ADGRE2: variants seen among roughly 807,000 people sequenced by gnomAD.
ADGRE2 encodes CD97 antigen.
ADGRE2 carries 83 observed loss-of-function variants against 100.8 expected under a neutral mutation model. The ratio of observed to expected loss-of-function variants is 0.82; its 90% CI spans 0.69 to 0.99. The LOEUF is 0.99. Among genes scored for constraint, ADGRE2 ranks in the 50% least tolerant of loss-of-function variants. The probability of loss-of-function intolerance (pLI) is 0.00; values close to 1 mark genes in which losing one functional copy is unlikely to be tolerated. For missense variants in ADGRE2, 814 were observed against 1,035.7 expected (o/e 0.79, Z 2.94); for synonymous variants, 355 against 413.0 (o/e 0.86, Z 1.70).
intron 11 of ADGRE2, among the ~76,000 whole-genome samples, chr19:14,761,346 C>T (rs2043716312): frequency 6.6e-6 from 1 of 152,128 alleles, no homozygotes; most frequent in Non-Finnish European, 1.5e-5. Context: ...GTGGAGTCTA[C>T]AGTGAGCCAG....
Position 14,765,684 on chromosome 19 carries a change from T to G in ADGRE2, c.755A>C (p.Asn252Thr), listed in dbSNP as rs1235834069. 6.2e-7 allele frequency: 1 copy of G among 1,611,568 alleles called. No homozygotes were observed. Among genetic ancestry groups the G allele is most frequent in the African/African-American group, 1.3e-5 (1 of 74,920 alleles). ...TTCACAGACAGTGTCCTTTTGGTTA[T>G]TCGGGATTCCGTGTCTGGGCTTCCA... Reference protein sequence around the residue: ...PGWKPRHGIPNNQKDTVCEDM... With the variant: ...PGWKPRHGIPTNQKDTVCEDM... Residue 252 changes from asparagine to threonine, a missense_variant, in exon 8 of 21, where the codon AAT (asparagine) becomes ACT (threonine). Around this residue, in one of 5 missense-constraint regions of ADGRE2, gnomAD observed 19 missense variants for 64.7 expected, o/e 0.29. Coordinates refer to ENST00000315576, the MANE Select transcript of ADGRE2 (RefSeq NM_013447.4).
chr19:14,742,886 G>T (rs1328445140), intron 20 of ADGRE2, among the ~76,000 whole-genome samples: 5 of 151,878 alleles, frequency 3.3e-5, no homozygotes. Context: ...GTGTGTGAGA[G>T]TCAAACTAAG....
chr19:14,741,970 A>G (rs1003293205), intron 20 of ADGRE2: 4 of 398,436 alleles, frequency 1.0e-5, no homozygotes, highest in South Asian at 1.3e-4. Flanking sequence ...ATCCCATGCC[A>G]TTGAGGCATA....
At chr19:14,770,154 G>T (rs1458534265) in intron 5 of ADGRE2, among the ~76,000 whole-genome samples, 1 of 152,012 alleles carries the variant, frequency 6.6e-6, no homozygotes, top group Non-Finnish European at 1.5e-5. Flanking sequence ...GAGGTGTTTG[G>T]GTCCTGAGTG....
chr19:14,726,095 G>A, the ADGRE2 span, among the ~76,000 whole-genome samples: 5 of 152,170 alleles, frequency 3.3e-5, no homozygotes, highest in Non-Finnish European at 4.4e-5. Flanking sequence ...TGCAATCTGA[G>A]CATCTGCAGG....
Position 14,733,589 on chromosome 19 carries a change from AC to A in ADGRE2, c.*2646del, listed in dbSNP as rs2042699389. 7.0e-6 allele frequency: 1 copy of A among 142,746 alleles called. No individual in the cohort carries two copies. Among genetic ancestry groups the A allele is most frequent in the Admixed American group, 6.9e-5 (1 of 14,494 alleles). The allele number at this position is 142,746 out of a possible 1,614,324, so 8.8% of individuals were successfully genotyped here. ...CCACTCTCCCTCCCATATAAGCACA[AC>A]AAAAAAAACACAGAAGCAGTCCAAG... On this transcript the variant is annotated 3_prime_UTR_variant, in exon 21 of 21. Transcript: ENST00000315576.
chr19:14,759,356 G>C (rs571711901), intron 11 of ADGRE2, among the ~76,000 whole-genome samples: 1 of 152,120 alleles, frequency 6.6e-6, no homozygotes, highest in South Asian at 2.1e-4. Context: ...TATTAAAAGG[G>C]AAACCTTACT....
intron 2 of ADGRE2, among the ~76,000 whole-genome samples, chr19:14,775,143 C>G (rs2044389448): frequency 6.7e-6 from 1 of 150,322 alleles, no homozygotes; most frequent in Non-Finnish European, 1.5e-5. Context: ...GCTGGGACTA[C>G]AGGCATGACC....
At chr19:14,769,329 C>G (rs994448479) in intron 5 of ADGRE2, among the ~76,000 whole-genome samples, 2 of 152,154 alleles carry the variant, frequency 1.3e-5, no homozygotes, top group Non-Finnish European at 1.5e-5. Flanking sequence ...GGTTCTGAAC[C>G]TTGAGGTTTG....
chr19:14,754,133 G>A (rs995747647), intron 14 of ADGRE2, among the ~76,000 whole-genome samples: 5 of 150,842 alleles, frequency 3.3e-5, no homozygotes, highest in Non-Finnish European at 7.4e-5. Context: ...TCTTTCTCCT[G>A]TGCTGGATGC....
chr19:14,776,817 C>G lies in ADGRE2; in HGVS notation c.-61G>C. On this transcript the variant is annotated 5_prime_UTR_variant, in exon 2 of 21. Coordinates refer to ENST00000315576, the MANE Select transcript of ADGRE2 (RefSeq NM_013447.4). ...AAAGAGTGAGTGGGACAGGGCTGTC[C>G]CGTCTCCGCAGGCTGGGCAGCTGTG... The G allele has an allele frequency of 6.2e-7, 1 of 1,606,742 alleles. No homozygotes were observed. The highest frequency in any genetic ancestry group is 8.5e-7 in the Non-Finnish European group (1 of 1,176,744).
At chr19:14,777,897 A>G (rs2044492366) in intron 1 of ADGRE2, among the ~76,000 whole-genome samples, 1 of 152,126 alleles carries the variant, frequency 6.6e-6, no homozygotes, top group South Asian at 2.1e-4. Flanking sequence ...TCTATCATTG[A>G]TGGACATTTG....
At chr19:14,741,303 G>A (rs1247390719) in intron 20 of ADGRE2, among the ~76,000 whole-genome samples, 1 of 151,502 alleles carries the variant, frequency 6.6e-6, no homozygotes, top group Non-Finnish European at 1.5e-5. Flanking sequence ...TGCCATGTTG[G>A]CCAGGCTGGT....
chr19:14,738,860 A>C (rs1038096782), intron 20 of ADGRE2, among the ~76,000 whole-genome samples: 1 of 152,150 alleles, frequency 6.6e-6, no homozygotes, highest in African/African-American at 2.4e-5. Context: ...TCAGGAGATT[A>C]TTCAGTAGTG....
the ADGRE2 span, among the ~76,000 whole-genome samples, chr19:14,726,359 C>T: frequency 6.6e-6 from 1 of 152,282 alleles, no homozygotes; most frequent in African/African-American, 2.4e-5. Flanking sequence ...AGCCTTTTTC[C>T]TTTTGTCTTG....
chr19:14,742,079 G>C (rs2042949487), intron 20 of ADGRE2: 1 of 398,370 alleles, frequency 2.5e-6, no homozygotes, highest in Non-Finnish European at 4.4e-6. Flanking sequence ...TTGAACCACT[G>C]TTCCTGGCTG....
At chr19:14,764,812 A>T (rs1198578565) in intron 10 of ADGRE2, among the ~76,000 whole-genome samples, 3 of 152,150 alleles carry the variant, frequency 2.0e-5, no homozygotes, top group East Asian at 3.9e-4. Flanking sequence ...AGGTCAGGAG[A>T]TCGAGACCAT....
At chr19:14,756,583 A>G (rs1210919282) in intron 11 of ADGRE2, among the ~76,000 whole-genome samples, 1 of 152,202 alleles carries the variant, frequency 6.6e-6, no homozygotes, top group East Asian at 1.9e-4. Context: ...GAAGATCTGA[A>G]CAGACCTATA....
intron 5 of ADGRE2, among the ~76,000 whole-genome samples, chr19:14,770,624 G>A (rs781239770): frequency 6.6e-6 from 1 of 151,786 alleles, no homozygotes; most frequent in African/African-American, 2.4e-5. Context: ...TACCTGGAGA[G>A]GAGAGGCTTT....
Sources: gnomAD v4.1 joint callset for allele counts (sites outside exome capture counted in the v4.1 genomes callset) on GRCh38, gnomAD v4.1.1 for gene constraint, gnomAD v4.1.1 regional missense constraint, MANE v1.5 for transcripts, NCBI Gene and HGNC (gene_info 2026-07-23, HGNC 2026-07-21) for gene names.